The following CLSTN2 variants were observed in gnomAD, a reference collection of about 807,000 sequenced individuals.
CLSTN2 encodes the protein calsyntenin 2, also known as calsyntenin-2.
CLSTN2 carries 48 observed loss-of-function variants against 101.2 expected under a neutral mutation model. The observed-to-expected ratio is 0.47, with a 90% confidence interval of 0.38 to 0.60. The LOEUF (loss-of-function observed/expected upper bound fraction) is 0.60. CLSTN2 is among the 20% of genes least tolerant of loss of function. The pLI is 0.00. For missense variants in CLSTN2, 1,160 were observed against 1,238.2 expected (o/e 0.94, Z 0.95); for synonymous variants, 481 against 463.6 (o/e 1.04, Z -0.48).
intron 1 of CLSTN2, among the ~76,000 whole-genome samples, chr3:140,092,112 G>T (rs1285186100): frequency 6.6e-6 from 1 of 152,184 alleles, no homozygotes; most frequent in African/African-American, 2.4e-5. Context: ...TCAGCATCTG[G>T]ATCCTTGATG....
intron 1 of CLSTN2, among the ~76,000 whole-genome samples, chr3:140,021,958 G>T (rs2007327353): frequency 6.6e-6 from 1 of 152,232 alleles, no homozygotes; most frequent in Admixed American, 6.5e-5. Context: ...TCAGGCGGCA[G>T]ACAGAACTGG....
chr3:140,525,569 T>C (rs1935120279), intron 8 of CLSTN2, among the ~76,000 whole-genome samples: 1 of 152,076 alleles, frequency 6.6e-6, no homozygotes, highest in Non-Finnish European at 1.5e-5. Flanking sequence ...CCTCCCTAAC[T>C]CATCCTGTGA....
At position 140,534,659 on chromosome 3, in the gene CLSTN2, G is replaced by A. The variant is rs377369073; in HGVS notation, c.1507+2173G>A. 5.3e-5 allele frequency among the ~76,000 whole-genome samples: 8 copies of A among 152,240 alleles called. No individual in the cohort carries two copies. The East Asian group carries it at 7.7e-4, about 15-fold the overall frequency. ...AGAGGAAAAGAAAACATGGCAAATC[G>A]TGCACAAACTCTTAAAACTTCCACC... On this transcript the variant is annotated intron_variant, in intron 9 of 16. Transcript: ENST00000458420.
Position 140,562,861 on chromosome 3 carries a change from C to G in CLSTN2, c.2263C>G (p.Arg755Gly), listed in dbSNP as rs778445142. 1 of 1,614,122 alleles carries G rather than the reference C, an allele frequency of 6.2e-7. No homozygotes were observed. Among genetic ancestry groups the G allele is most frequent in the Admixed American group, 1.7e-5 (1 of 60,026 alleles). Residue 755 changes from arginine (R) to glycine (G), a missense_variant, in exon 14 of 17, where the codon CGC (arginine) becomes GGC (glycine). Physicochemically the swap from Arg to Gly is moderately radical, Grantham distance 125. Coordinates refer to ENST00000458420, the MANE Select transcript of CLSTN2 (RefSeq NM_022131.3). ...YEQVLHHIRY[R>G]NWRPASLEAR... ...GCAGGTGCTACATCACATCCGCTAC[C>G]GCAACTGGCGTCCGGCTTCCCTTGA...
chr3:140,294,005 A>G (rs2086978498), intron 2 of CLSTN2, among the ~76,000 whole-genome samples: 1 of 152,202 alleles, frequency 6.6e-6, no homozygotes, highest in African/African-American at 2.4e-5. Flanking sequence ...TGCCCCATGG[A>G]AAGCACTGAC....
At chr3:140,550,895 A>T (rs1360272886) in intron 10 of CLSTN2, among the ~76,000 whole-genome samples, 3 of 151,344 alleles carry the variant, frequency 2.0e-5, no homozygotes, top group Admixed American at 2.0e-4. Flanking sequence ...ACTGCAAATG[A>T]TCCTCTTCCA....
At chr3:140,383,887 T>C (rs893085044) in intron 2 of CLSTN2, among the ~76,000 whole-genome samples, 7 of 152,200 alleles carry the variant, frequency 4.6e-5, no homozygotes, top group Non-Finnish European at 7.3e-5. Context: ...GAAATCACAA[T>C]AGGCAAATTA....
intron 8 of CLSTN2, among the ~76,000 whole-genome samples, chr3:140,478,654 G>A (rs556639168): frequency 6.6e-6 from 1 of 152,302 alleles, no homozygotes; most frequent in Non-Finnish European, 1.5e-5. Flanking sequence ...CTGGATTGCA[G>A]TGATGGTTGC....
chr3:140,275,336 A>ACT (rs1159193072), intron 2 of CLSTN2, among the ~76,000 whole-genome samples: 12 of 151,246 alleles, frequency 7.9e-5, no homozygotes, highest in Non-Finnish European at 1.8e-4. Flanking sequence ...GCAGCAGCAC[A>ACT]CTCAGAGCTC....
rs557087980 is a variant in CLSTN2, at chr3:140,333,870, A to G, written c.233-69759A>G. ...AAACACTGACCCCAGAAATATTTGC[A>G]GCTCCATATTCAGTCCTCTGTTGAT... On this transcript the variant is annotated intron_variant, in intron 2 of 16. Transcript: ENST00000458420. Among the ~76,000 whole-genome samples, 30 of 152,324 alleles carry G rather than the reference A, an allele frequency of 2.0e-4. 1 individual carries two copies. The highest frequency in any genetic ancestry group is 4.1e-4 in the South Asian group (2 of 4,824).
intron 8 of CLSTN2, among the ~76,000 whole-genome samples, chr3:140,526,646 A>C (rs80170580): frequency 0.026 from 3,129 of 122,374 alleles, 85 homozygotes; most frequent in African/African-American, 0.082. Context: ...ACAACAACAA[A>C]AAAAAAACTG....
intron 8 of CLSTN2, among the ~76,000 whole-genome samples, chr3:140,511,711 G>A (rs1934818581): frequency 7.5e-6 from 1 of 133,374 alleles, no homozygotes; most frequent in African/African-American, 3.2e-5. Context: ...CACCACACCT[G>A]GCTAATTTTT....
At chr3:140,316,857 T>G (rs2107920904) in intron 2 of CLSTN2, among the ~76,000 whole-genome samples, 1 of 152,360 alleles carries the variant, frequency 6.6e-6, no homozygotes, top group South Asian at 2.1e-4. Flanking sequence ...ACCACTCAAC[T>G]TTTGAAGAGA....
chr3:140,325,958 A>T (rs1306505255), intron 2 of CLSTN2, among the ~76,000 whole-genome samples: 1 of 152,190 alleles, frequency 6.6e-6, no homozygotes, highest in Admixed American at 6.5e-5. Context: ...TTACTATCTA[A>T]ATTAAATTTA....
intron 2 of CLSTN2, among the ~76,000 whole-genome samples, chr3:140,240,488 A>G (rs6782492): frequency 0.97 from 147,344 of 152,006 alleles, 71,560 homozygotes; most frequent in East Asian, 1. Context: ...TTGGCAAATT[A>G]TAAACCTTCC....
chr3:140,126,721 C>A (rs920012470), intron 1 of CLSTN2, among the ~76,000 whole-genome samples: 2 of 152,102 alleles, frequency 1.3e-5, no homozygotes, highest in African/African-American at 4.8e-5. Flanking sequence ...ACTTGAGAAC[C>A]ATCTTTTTCA....
intron 2 of CLSTN2, among the ~76,000 whole-genome samples, chr3:140,211,795 C>A (rs1406978255): frequency 6.6e-6 from 1 of 151,868 alleles, no homozygotes; most frequent in Non-Finnish European, 1.5e-5. Flanking sequence ...ACTTTAACCT[C>A]CAGTGAATCA....
chr3:140,399,929 C>G (rs2088221767), intron 2 of CLSTN2, among the ~76,000 whole-genome samples: 1 of 151,644 alleles, frequency 6.6e-6, no homozygotes, highest in Non-Finnish European at 1.5e-5. Context: ...GTGAATATTA[C>G]TCTTTACCTT....
chr3:140,198,952 C>G lies in CLSTN2; in HGVS notation c.232+22879C>G, dbSNP rs556955618. On this transcript the variant is annotated intron_variant, in intron 2 of 16. Transcript: ENST00000458420. ...GGGCCTCTAGTTTACCTGCCTGGCTCTCAGCATCTAGGGAGGTCTGATTCT... is the reference window on the plus strand; with the variant it reads ...GGGCCTCTAGTTTACCTGCCTGGCTGTCAGCATCTAGGGAGGTCTGATTCT... Among the ~76,000 whole-genome samples, 215 of 152,264 alleles carry G rather than the reference C, an allele frequency of 1.4e-3. 9 individuals carry two copies. In the South Asian group the frequency reaches 0.042, roughly 30 times the overall value.
Sources: allele counts gnomAD v4.1 joint callset (sites outside exome capture counted in the v4.1 genomes callset), GRCh38; gene constraint gnomAD v4.1.1; transcripts MANE v1.5; gene names NCBI Gene and HGNC (gene_info 2026-07-23, HGNC 2026-07-21).